The following TXNDC16 variants were observed in gnomAD, a reference collection of about 807,000 sequenced individuals.
TXNDC16 encodes thioredoxin domain containing 16.
Under a neutral mutation model 85.6 loss-of-function variants are expected in TXNDC16, and 74 were observed. That is an observed-to-expected ratio of 0.86 (90% confidence interval 0.72 to 1.05). The LOEUF is 1.05. Ranked by LOEUF, TXNDC16 falls within the 50% of genes least tolerant of loss-of-function variation. TXNDC16 has a pLI of 0.00. For synonymous variants in TXNDC16, 335 were observed against 326.5 expected (o/e 1.03, Z -0.28); for missense variants, 959 against 947.0 (o/e 1.01, Z -0.17).
At chr14:52,518,475 C>G (rs1258964995) in intron 7 of TXNDC16, among the ~76,000 whole-genome samples, 2 of 152,176 alleles carry the variant, frequency 1.3e-5, no homozygotes, top group Admixed American at 6.5e-5. Flanking sequence ...CAGAACCAAC[C>G]TTGTCTCCAC....
chr14:52,500,098 C>CA (rs1411795869), intron 9 of TXNDC16, among the ~76,000 whole-genome samples: 1 of 152,044 alleles, frequency 6.6e-6, no homozygotes, highest in Non-Finnish European at 1.5e-5. Context: ...TATGATCCAG[C>CA]AATCCCACTT....
intron 6 of TXNDC16, among the ~76,000 whole-genome samples, chr14:52,519,618 C>T (rs1421160986): frequency 5.9e-5 from 9 of 152,190 alleles, no homozygotes; most frequent in Admixed American, 4.6e-4. Flanking sequence ...ACATTTAAGC[C>T]CTTCACAAAC....
At chr14:52,532,455 G>A (rs576175219) in intron 6 of TXNDC16, among the ~76,000 whole-genome samples, 1 of 148,326 alleles carries the variant, frequency 6.7e-6, no homozygotes, top group Non-Finnish European at 1.5e-5. Flanking sequence ...TTTTTTTTTT[G>A]AGACAGAGTC....
chr14:52,441,383 C>T (rs1228350065), intron 18 of TXNDC16, among the ~76,000 whole-genome samples: 6 of 151,964 alleles, frequency 3.9e-5, no homozygotes, highest in Admixed American at 3.9e-4. Flanking sequence ...CCGACGCAGG[C>T]AGATCGCCTG....
At chr14:52,514,614 T>G (rs2037034937) in intron 8 of TXNDC16, among the ~76,000 whole-genome samples, 1 of 152,180 alleles carries the variant, frequency 6.6e-6, no homozygotes, top group Non-Finnish European at 1.5e-5. Flanking sequence ...TCCTAAGATA[T>G]CCCGCTTGGC....
chr14:52,512,643 G>A (rs1210663054), intron 8 of TXNDC16, among the ~76,000 whole-genome samples: 3 of 152,150 alleles, frequency 2.0e-5, no homozygotes, highest in African/African-American at 4.8e-5. Flanking sequence ...GGGATCATTT[G>A]CTTGCAGATA....
At chr14:52,446,904 C>T (rs2035297476) in intron 18 of TXNDC16, among the ~76,000 whole-genome samples, 1 of 152,040 alleles carries the variant, frequency 6.6e-6, no homozygotes, top group African/African-American at 2.4e-5. Flanking sequence ...AGCCCTTGGG[C>T]CTAGGTAGTA....
At chr14:52,469,623 G>C (rs1335892161) in intron 16 of TXNDC16, among the ~76,000 whole-genome samples, 1 of 151,734 alleles carries the variant, frequency 6.6e-6, no homozygotes, top group African/African-American at 2.4e-5. Flanking sequence ...TGTGCCTGTA[G>C]TCCCAGCTAC....
At chr14:52,509,612 T>G (rs2036905698) in intron 9 of TXNDC16, among the ~76,000 whole-genome samples, 1 of 151,852 alleles carries the variant, frequency 6.6e-6, no homozygotes, top group South Asian at 2.1e-4. Flanking sequence ...CTGCATGTTG[T>G]GCACATGTAC....
chr14:52,469,937 T>C (rs985557738), intron 16 of TXNDC16, 100 bp downstream of exon 16: 2 of 1,175,862 alleles, frequency 1.7e-6, no homozygotes, highest in African/African-American at 3.2e-5. Flanking sequence ...TTCTCCATAA[T>C]TTTGAAATTC....
intron 4 of TXNDC16, among the ~76,000 whole-genome samples, chr14:52,540,519 G>A (rs1321287206): frequency 6.6e-6 from 1 of 152,076 alleles, no homozygotes; most frequent in Non-Finnish European, 1.5e-5. Flanking sequence ...CAGCTACTTG[G>A]GAGGCTGAGA....
intron 6 of TXNDC16, among the ~76,000 whole-genome samples, chr14:52,527,209 G>A (rs2037357009): frequency 6.6e-6 from 1 of 152,190 alleles, no homozygotes; most frequent in Non-Finnish European, 1.5e-5. Context: ...CAAAAGCATA[G>A]GAGCTTCTGT....
intron 9 of TXNDC16, among the ~76,000 whole-genome samples, chr14:52,502,560 G>GT (rs1386746287): frequency 6.6e-6 from 1 of 152,298 alleles, no homozygotes; most frequent in East Asian, 1.9e-4. Flanking sequence ...CAAAGCTTTG[G>GT]TTTTTTAATT....
intron 9 of TXNDC16, among the ~76,000 whole-genome samples, chr14:52,505,202 A>G (rs894327106): frequency 2.0e-5 from 3 of 152,194 alleles, no homozygotes; most frequent in African/African-American, 4.8e-5. Context: ...AATTGAATTC[A>G]CTTCTGCACC....
chr14:52,468,019 T>C (rs1279209437), intron 16 of TXNDC16, among the ~76,000 whole-genome samples: 1 of 152,180 alleles, frequency 6.6e-6, no homozygotes, highest in Non-Finnish European at 1.5e-5. Flanking sequence ...ACTGTATGAT[T>C]CCACCTGTAT....
At chr14:52,521,257 C>T (rs560608016) in intron 6 of TXNDC16, among the ~76,000 whole-genome samples, 5 of 150,022 alleles carry the variant, frequency 3.3e-5, no homozygotes, top group African/African-American at 4.9e-5. Flanking sequence ...GGACTACAGG[C>T]GTGCACCCCC....
At chr14:52,454,786 G>C (rs1184385676) in intron 18 of TXNDC16, among the ~76,000 whole-genome samples, 1 of 151,818 alleles carries the variant, frequency 6.6e-6, no homozygotes, top group Admixed American at 6.6e-5. Context: ...AACAGAGTGA[G>C]ACCCATCTCA....
intron 4 of TXNDC16, among the ~76,000 whole-genome samples, chr14:52,538,734 T>C (rs1249945215): frequency 6.6e-6 from 1 of 152,174 alleles, no homozygotes; most frequent in African/African-American, 2.4e-5. Context: ...AGAATAGTTA[T>C]TTTGTTTTGC....
At chr14:52,496,610 A>ATT (rs57762673) in intron 9 of TXNDC16, among the ~76,000 whole-genome samples, 25,647 of 139,976 alleles carry the variant, frequency 0.18, 2,424 homozygotes, top group East Asian at 0.31. Context: ...TGATTTTATG[A>ATT]TTTTTTTTTT....
Sources: allele counts gnomAD v4.1 joint callset (sites outside exome capture counted in the v4.1 genomes callset), GRCh38; gene constraint gnomAD v4.1.1; transcripts MANE v1.5; gene names NCBI Gene and HGNC (gene_info 2026-07-23, HGNC 2026-07-21).